Variants in BBOX1 observed in about 807,000 individuals in gnomAD.
BBOX1 encodes gamma-butyrobetaine hydroxylase 1, also known as gamma-butyrobetaine dioxygenase.
In BBOX1, 35 loss-of-function variants were observed where a neutral mutation model predicts 41.6. The ratio of observed to expected loss-of-function variants is 0.84; its 90% CI spans 0.64 to 1.11. The LOEUF is 1.11. BBOX1 is among the 50% of genes most tolerant of loss of function. The pLI is 0.00. For synonymous variants in BBOX1, 163 were observed against 154.7 expected, an observed-to-expected ratio of 1.05 and a Z score of -0.40; for missense variants, 458 against 460.6, an observed-to-expected ratio of 0.99 and a Z score of 0.05.
chr11:27,105,004 A>G (rs1858811557), intron 5 of BBOX1, among the ~76,000 whole-genome samples: 1 of 152,150 alleles, frequency 6.6e-6, no homozygotes, highest in African/African-American at 2.4e-5. Flanking sequence ...CCTCCAGCAA[A>G]CTCCAACAGA....
chr11:27,097,946 C>T (rs1364652615), intron 5 of BBOX1, among the ~76,000 whole-genome samples: 1 of 152,006 alleles, frequency 6.6e-6, no homozygotes, highest in Non-Finnish European at 1.5e-5. Flanking sequence ...CCAACTCAGA[C>T]ACATGCCATT....
intron 4 of BBOX1, among the ~76,000 whole-genome samples, chr11:27,078,310 T>C (rs1160474595): frequency 2.6e-5 from 4 of 152,136 alleles, no homozygotes; most frequent in African/African-American, 7.2e-5. Context: ...AATGAAAACA[T>C]ACACATTTTT....
intron 8 of BBOX1, among the ~76,000 whole-genome samples, chr11:27,126,410 TA>T (rs1859653139): frequency 6.6e-6 from 1 of 152,268 alleles, no homozygotes; most frequent in East Asian, 1.9e-4. Flanking sequence ...GAAAACATTA[TA>T]GGGGGAAAAA....
At chr11:27,070,317 C>A (rs907633645) in intron 4 of BBOX1, among the ~76,000 whole-genome samples, 2 of 151,962 alleles carry the variant, frequency 1.3e-5, no homozygotes, top group Admixed American at 6.6e-5. Context: ...GCTTTGTTGA[C>A]TTTCTGTCTC....
At chr11:27,092,808 T>G (rs923700935) in intron 4 of BBOX1, among the ~76,000 whole-genome samples, 13 of 151,966 alleles carry the variant, frequency 8.6e-5, no homozygotes. Flanking sequence ...GCAATATAAC[T>G]TGGCTGTTAA....
intron 4 of BBOX1, among the ~76,000 whole-genome samples, chr11:27,082,945 G>T (rs552815220): frequency 8.6e-5 from 13 of 151,974 alleles, no homozygotes; most frequent in Non-Finnish European, 1.6e-4. Flanking sequence ...CAGCTAGATG[G>T]TCATTCTGGT....
At chr11:27,104,484 CA>C (rs1265663839) in intron 5 of BBOX1, among the ~76,000 whole-genome samples, 1 of 152,124 alleles carries the variant, frequency 6.6e-6, no homozygotes, top group African/African-American at 2.4e-5. Context: ...AGGGAGAATT[CA>C]GAGAGATTCT....
chr11:27,079,806 C>A (rs1217851809), intron 4 of BBOX1, among the ~76,000 whole-genome samples: 1 of 152,140 alleles, frequency 6.6e-6, no homozygotes, highest in Non-Finnish European at 1.5e-5. Context: ...TCCATCTCAA[C>A]TGATGATGGC....
At chr11:27,112,552 G>C (rs952746465) in intron 5 of BBOX1, among the ~76,000 whole-genome samples, 3 of 151,902 alleles carry the variant, frequency 2.0e-5, no homozygotes, top group African/African-American at 4.8e-5. Flanking sequence ...ACAAGAAATG[G>C]GGAAAGGACT....
chr11:27,045,153 A>G (rs1285834817), intron 2 of BBOX1, among the ~76,000 whole-genome samples: 2 of 152,054 alleles, frequency 1.3e-5, no homozygotes. Context: ...CATCCCTTCT[A>G]ACTTGGATTC....
chr11:27,119,059 T>C (rs2134103421), intron 6 of BBOX1, among the ~76,000 whole-genome samples: 1 of 152,194 alleles, frequency 6.6e-6, no homozygotes, highest in African/African-American at 2.4e-5. Flanking sequence ...GCCCTTCATC[T>C]GATATTTAAG....
At position 27,093,242 on chromosome 11, in the gene BBOX1, G is replaced by T; in HGVS notation, c.409G>T (p.Ala137Ser). Residue 137 changes from alanine (A) to serine (S), a missense_variant, in exon 5 of 9, where the codon GCA becomes TCA. Physicochemically the swap from Ala to Ser is moderately conservative, Grantham distance 99. Coordinates refer to ENST00000263182, the MANE Select transcript of BBOX1 (RefSeq NM_003986.3). ...FEDVLRYDEH[A>S]YKWLSTLKKV... is the part of the protein sequence containing the mutation. ...AGATGTTTTAAGATATGATGAACAC[G>T]CATACAAGTGGCTCTCCACCCTCAA... The T allele has an allele frequency of 6.2e-7, 1 of 1,612,366 alleles. No homozygotes were observed. The highest frequency in any genetic ancestry group is 8.5e-7 in the Non-Finnish European group (1 of 1,178,974).
chr11:27,066,890 TA>T (rs1857304034), intron 4 of BBOX1, among the ~76,000 whole-genome samples: 1 of 152,138 alleles, frequency 6.6e-6, no homozygotes. Flanking sequence ...CTTAAAATTT[TA>T]TATTTTTCTC....
intron 4 of BBOX1, among the ~76,000 whole-genome samples, chr11:27,079,092 T>C (rs1857741301): frequency 6.6e-6 from 1 of 152,136 alleles, no homozygotes; most frequent in South Asian, 2.1e-4. Flanking sequence ...CCTTATAATA[T>C]CTTATGTTTG....
rs1590169350 is a variant in BBOX1 at position 27,055,611 on chromosome 11, A to G, written c.181A>G (p.Asn61Asp). Reference protein sequence around the residue: ...RKLLVEALDVNIGIKGLIFDR... With the variant: ...RKLLVEALDVDIGIKGLIFDR... ...ACTTCTAGTGGAAGCTCTTGATGTG[A>G]ACATTGGAATTAAAGGCTTGATATT... Residue 61 changes from asparagine (N) to aspartate (D), a missense_variant, in exon 3 of 9, where the codon AAC becomes GAC. By Grantham distance (23) the Asn-to-Asp change is conservative. Transcript: ENST00000263182. The G allele has an allele frequency of 6.2e-7, 1 of 1,614,078 alleles. No individual in the cohort carries two copies. Among genetic ancestry groups the G allele is most frequent in the Non-Finnish European group, 8.5e-7 (1 of 1,179,946 alleles).
chr11:27,109,918 G>A (rs1858996709), intron 5 of BBOX1, among the ~76,000 whole-genome samples: 1 of 151,946 alleles, frequency 6.6e-6, no homozygotes, highest in Non-Finnish European at 1.5e-5. Context: ...ATATGTGAAT[G>A]GAGATTTTAT....
rs972077799 is a variant in BBOX1, at chr11:27,093,501, G to C, written c.533+135G>C. ...AGTAGGAAGTCAGATAAAAAGAAGA[G>C]TCTAAAAGTAGTATTTTGCTGAGAA... On this transcript the variant is annotated intron_variant, in intron 5 of 8. Coordinates refer to ENST00000263182, the MANE Select transcript of BBOX1 (RefSeq NM_003986.3). 108 of 959,632 alleles carry C rather than the reference G, an allele frequency of 1.1e-4. No homozygotes were observed. In the African/African-American group the frequency reaches 1.6e-3, roughly 14 times the overall value. The allele number at this position is 959,632 out of a possible 1,614,324, so 59.4% of individuals were successfully genotyped here.
At chr11:27,077,249 G>A (rs1033132225) in intron 4 of BBOX1, among the ~76,000 whole-genome samples, 2 of 152,044 alleles carry the variant, frequency 1.3e-5, no homozygotes, top group African/African-American at 4.8e-5. Flanking sequence ...TGGAGACTGG[G>A]AATGCACAAA....
chr11:27,121,456 G>C (rs1316238734), intron 7 of BBOX1, among the ~76,000 whole-genome samples: 1 of 152,168 alleles, frequency 6.6e-6, no homozygotes, highest in African/African-American at 2.4e-5. Flanking sequence ...CTGCTAGAAA[G>C]AGCAAGGATA....
Sources: allele counts gnomAD v4.1 joint callset (sites outside exome capture counted in the v4.1 genomes callset), GRCh38; gene constraint gnomAD v4.1.1; transcripts MANE v1.5; gene names NCBI Gene and HGNC (gene_info 2026-07-23, HGNC 2026-07-21).